NCKAP5: variants seen among roughly 807,000 people sequenced by gnomAD.
NCKAP5 encodes nck-associated protein 5.
Under a neutral mutation model 167.0 loss-of-function variants are expected in NCKAP5, and 92 were observed. The ratio of observed to expected loss-of-function variants is 0.55; its 90% CI spans 0.47 to 0.66. The LOEUF is 0.66. NCKAP5 is among the 30% of genes least tolerant of loss of function. NCKAP5 has a pLI of 0.00. For synonymous variants in NCKAP5, 891 were observed against 877.4 expected, an observed-to-expected ratio of 1.02 and a Z score of -0.27; for missense variants, 2,378 against 2,315.0, an observed-to-expected ratio of 1.03 and a Z score of -0.56.
chr2:133,322,353 T>G lies in NCKAP5; in HGVS notation c.70-19243A>C, dbSNP rs1314974787. 2.0e-5 allele frequency among the ~76,000 whole-genome samples: 3 copies of G among 152,220 alleles called. No individual in the cohort carries two copies. The East Asian group carries it at 5.8e-4, about 29-fold the overall frequency. ...ACAGCAAAAAGGTATCATCTGTGAT[T>G]GAGATCCAGAGGCAGGTAGAAATGA... On this transcript the variant is annotated intron_variant, in intron 3 of 19. Coordinates refer to ENST00000409261, the MANE Select transcript of NCKAP5 (RefSeq NM_207363.3).
At chr2:133,155,904 C>A (rs35732258) in intron 5 of NCKAP5, among the ~76,000 whole-genome samples, 25,993 of 152,214 alleles carry the variant, frequency 0.17, 2,594 homozygotes, top group Non-Finnish European at 0.22. Flanking sequence ...TCTTTTTCTA[C>A]GTGTGTGCAC....
rs571006180 is a variant in NCKAP5, at chr2:133,100,335, C to A, written c.341+29643G>T. On this transcript the variant is annotated intron_variant, in intron 6 of 19. Transcript: ENST00000409261. Reference sequence around the variant, plus strand: ...TTTATCCATCCTATTACTCTAAGTTCTTTTGCTACTCTGCATCAAATATTT... The same window carrying A: ...TTTATCCATCCTATTACTCTAAGTTATTTTGCTACTCTGCATCAAATATTT... Among the ~76,000 whole-genome samples, 11 of 152,290 alleles carry A rather than the reference C, an allele frequency of 7.2e-5. No homozygotes were observed. The South Asian group carries it at 2.3e-3, about 32-fold the overall frequency.
At chr2:133,407,548 G>A (rs917338612) in intron 3 of NCKAP5, among the ~76,000 whole-genome samples, 38 of 152,168 alleles carry the variant, frequency 2.5e-4, no homozygotes, top group African/African-American at 6.8e-4. Context: ...TGGTGCAGGC[G>A]CTGTGCCGGC....
At chr2:132,761,330 T>A (rs1240652186) in intron 16 of NCKAP5, among the ~76,000 whole-genome samples, 2 of 152,104 alleles carry the variant, frequency 1.3e-5, no homozygotes, top group Non-Finnish European at 2.9e-5. Context: ...GTCTGAAGAG[T>A]TTCCCAGGAT....
chr2:133,046,770 A>G (rs556929052), intron 6 of NCKAP5, among the ~76,000 whole-genome samples: 1 of 152,314 alleles, frequency 6.6e-6, no homozygotes, highest in South Asian at 2.1e-4. Flanking sequence ...AAGCATTGCC[A>G]ATTACGTAGA....
At chr2:133,001,682 A>G (rs1056756596) in intron 6 of NCKAP5, among the ~76,000 whole-genome samples, 1 of 152,058 alleles carries the variant, frequency 6.6e-6, no homozygotes, top group South Asian at 2.1e-4. Flanking sequence ...AAATATTTAA[A>G]CCACCCTGGC....
At position 133,223,755 on chromosome 2, in the gene NCKAP5, G is replaced by T. The variant is rs79669460; in HGVS notation, c.144-9976C>A. 2.5e-3 allele frequency among the ~76,000 whole-genome samples: 386 copies of T among 152,286 alleles called. 1 individual carries two copies. The highest frequency in any genetic ancestry group is 4.4e-3 in the Non-Finnish European group (298 of 68,032). Reference sequence around the variant, plus strand: ...ATAAAAGTCGGTAAGTTTAGAGCGTGTTCTAAGTTGTGGATCTTCACAGGA... The same window carrying T: ...ATAAAAGTCGGTAAGTTTAGAGCGTTTTCTAAGTTGTGGATCTTCACAGGA... On this transcript the variant is annotated intron_variant, in intron 4 of 19. Coordinates refer to ENST00000409261, the MANE Select transcript of NCKAP5 (RefSeq NM_207363.3).
intron 5 of NCKAP5, among the ~76,000 whole-genome samples, chr2:133,198,949 T>C (rs1008332117): frequency 2.6e-5 from 4 of 152,028 alleles, no homozygotes; most frequent in Admixed American, 2.6e-4. Context: ...AGTCCAGATA[T>C]TGAGTTGTGC....
chr2:132,804,228 A>C (rs1198040968), intron 11 of NCKAP5, among the ~76,000 whole-genome samples: 1 of 152,170 alleles, frequency 6.6e-6, no homozygotes, highest in Non-Finnish European at 1.5e-5. Flanking sequence ...TTTGCTTGCC[A>C]AGCCTGACTC....
chr2:133,070,320 T>C (rs1159400728), intron 6 of NCKAP5, among the ~76,000 whole-genome samples: 1 of 152,114 alleles, frequency 6.6e-6, no homozygotes, highest in Non-Finnish European at 1.5e-5. Flanking sequence ...GCTAATAAGA[T>C]ATGCCCTGCC....
chr2:133,438,970 C>T (rs532314516), intron 3 of NCKAP5, among the ~76,000 whole-genome samples: 1 of 152,296 alleles, frequency 6.6e-6, no homozygotes, highest in South Asian at 2.1e-4. Flanking sequence ...ATTGAGGTGT[C>T]TGCATTTTCA....
At chr2:133,021,766 G>A (rs534881812) in intron 6 of NCKAP5, among the ~76,000 whole-genome samples, 1 of 152,308 alleles carries the variant, frequency 6.6e-6, no homozygotes, top group South Asian at 2.1e-4. Flanking sequence ...AAGTAGCTGG[G>A]ATTACAGGTA....
At chr2:133,526,228 A>G (rs142624188) in intron 2 of NCKAP5, among the ~76,000 whole-genome samples, 8,083 of 52,466 alleles carry the variant, frequency 0.15, 924 homozygotes, top group African/African-American at 0.25. Context: ...AGGAAGGAAG[A>G]AAGGAAAGGA....
At chr2:133,035,417 A>G (rs2079011189) in intron 6 of NCKAP5, among the ~76,000 whole-genome samples, 1 of 152,080 alleles carries the variant, frequency 6.6e-6, no homozygotes, top group Non-Finnish European at 1.5e-5. Context: ...TAGATCTAAC[A>G]GATATTTACA....
At chr2:133,121,990 C>A (rs1179836641) in intron 6 of NCKAP5, 1 of 152,174 alleles carries the variant, frequency 6.6e-6, no homozygotes, top group Non-Finnish European at 1.5e-5. Flanking sequence ...AAGTTCCATA[C>A]TTTATGACTT....
chr2:132,769,838 T>G (rs115035006), intron 16 of NCKAP5, among the ~76,000 whole-genome samples: 1,826 of 152,276 alleles, frequency 0.012, 43 homozygotes, highest in African/African-American at 0.042. Context: ...ACTTTTGTCT[T>G]AAAGGTAAAT....
intron 6 of NCKAP5, among the ~76,000 whole-genome samples, chr2:133,006,234 G>A (rs138547075): frequency 8.5e-5 from 13 of 152,264 alleles, no homozygotes; most frequent in African/African-American, 2.6e-4. Flanking sequence ...ACTCCAGCCC[G>A]GGTGACAGAG....
chr2:133,163,377 T>C (rs916263908), intron 5 of NCKAP5, among the ~76,000 whole-genome samples: 16 of 152,216 alleles, frequency 1.1e-4, no homozygotes, highest in Non-Finnish European at 2.4e-4. Context: ...CATTGGAATC[T>C]AAGCCTTCTT....
chr2:133,565,716 G>C (rs903336086), intron 1 of NCKAP5, among the ~76,000 whole-genome samples: 24 of 152,168 alleles, frequency 1.6e-4, no homozygotes, highest in African/African-American at 5.8e-4. Flanking sequence ...CCGTCTTCAT[G>C]GTCAGAAGTC....
Sources: gnomAD v4.1 joint callset for allele counts (sites outside exome capture counted in the v4.1 genomes callset) on GRCh38, gnomAD v4.1.1 for gene constraint, MANE v1.5 for transcripts, NCBI Gene and HGNC (gene_info 2026-07-23, HGNC 2026-07-21) for gene names.